The following DLG2 variants were observed in gnomAD, a reference collection of about 807,000 sequenced individuals.
The protein encoded by DLG2 is discs large MAGUK scaffold protein 2, also known as disks large homolog 2.
A neutral mutation model predicts 132.5 loss-of-function variants in DLG2; 45 were observed. That is an observed-to-expected ratio of 0.34 (90% CI 0.27 to 0.44). The LOEUF (loss-of-function observed/expected upper bound fraction) is 0.44, where lower values mean the gene tolerates loss of function less well. Ranked by LOEUF, DLG2 falls within the 20% of genes least tolerant of loss-of-function variation. The pLI is 1.00. For missense variants in DLG2, 1,045 were observed against 1,196.9 expected (o/e 0.87, Z 1.87); for synonymous variants, 424 against 419.6 (o/e 1.01, Z -0.13).
chr11:83,879,818 A>G (rs2154073097), intron 15 of DLG2, among the ~76,000 whole-genome samples: 1 of 152,324 alleles, frequency 6.6e-6, no homozygotes, highest in South Asian at 2.1e-4. Flanking sequence ...CTCAATAAAT[A>G]TCTGGTAATA....
chr11:84,339,495 T>A (rs1168767134), intron 7 of DLG2, among the ~76,000 whole-genome samples: 1 of 152,238 alleles, frequency 6.6e-6, no homozygotes, highest in African/African-American at 2.4e-5. Flanking sequence ...TCTTTATTTT[T>A]AAGAAAATCC....
chr11:85,008,233 T>A (rs1188148107), intron 6 of DLG2, among the ~76,000 whole-genome samples: 1 of 152,188 alleles, frequency 6.6e-6, no homozygotes, highest in Non-Finnish European at 1.5e-5. Flanking sequence ...TGCATCTGTG[T>A]AAACTACTCC....
At chr11:83,975,936 T>C (rs1312717229) in intron 12 of DLG2, among the ~76,000 whole-genome samples, 1 of 152,100 alleles carries the variant, frequency 6.6e-6, no homozygotes, top group East Asian at 1.9e-4. Context: ...TTATCCATCC[T>C]TAAAGGAGGT....
chr11:83,781,558 C>T (rs760957616), intron 18 of DLG2, among the ~76,000 whole-genome samples: 1 of 152,142 alleles, frequency 6.6e-6, no homozygotes, highest in African/African-American at 2.4e-5. Context: ...GAAATCAGGT[C>T]CCTTCACTAT....
intron 6 of DLG2, among the ~76,000 whole-genome samples, chr11:84,844,512 T>C (rs1825732585): frequency 6.6e-6 from 1 of 151,896 alleles, no homozygotes; most frequent in Admixed American, 6.6e-5. Flanking sequence ...TCTCTACCTC[T>C]TCCTCACTTT....
chr11:85,110,498 T>C (rs1041603322), intron 6 of DLG2, among the ~76,000 whole-genome samples: 7 of 152,066 alleles, frequency 4.6e-5, no homozygotes, highest in African/African-American at 1.7e-4. Context: ...CACTCTCCTC[T>C]GATCATCTGC....
intron 8 of DLG2, among the ~76,000 whole-genome samples, chr11:84,228,697 G>A (rs1394445409): frequency 2.0e-5 from 3 of 152,076 alleles, no homozygotes; most frequent in African/African-American, 7.3e-5. Flanking sequence ...ATAAACACAG[G>A]TAAGATAATA....
chr11:84,118,328 G>A (rs926655020), intron 9 of DLG2, among the ~76,000 whole-genome samples: 2 of 152,136 alleles, frequency 1.3e-5, no homozygotes, highest in Non-Finnish European at 1.5e-5. Context: ...TTTGCCCGAT[G>A]GAAGCCTGAG....
At chr11:84,506,116 C>T (rs1445228450) in intron 7 of DLG2, among the ~76,000 whole-genome samples, 1 of 112,184 alleles carries the variant, frequency 8.9e-6, no homozygotes, top group African/African-American at 5.4e-5. Context: ...AGCTCTGTCG[C>T]CCAGGCTGGA....
At chr11:83,610,209 C>A (rs147274951) in intron 19 of DLG2, among the ~76,000 whole-genome samples, 2 of 152,082 alleles carry the variant, frequency 1.3e-5, no homozygotes, top group African/African-American at 4.8e-5. Context: ...CAGTGGATGT[C>A]GGACAGGAAG....
intron 3 of DLG2, among the ~76,000 whole-genome samples, chr11:85,555,191 C>A (rs186654357): frequency 6.6e-6 from 1 of 151,906 alleles, no homozygotes; most frequent in African/African-American, 2.4e-5. Flanking sequence ...CTTAAACTGA[C>A]TAAAAGGAAA....
intron 6 of DLG2, among the ~76,000 whole-genome samples, chr11:85,053,632 CAAAA>C (rs574119257): frequency 3.3e-5 from 3 of 91,180 alleles, no homozygotes; most frequent in Non-Finnish European, 4.3e-5. Flanking sequence ...ACTAAAAATA[CAAAA>C]AAAAAAAAAA....
At chr11:84,412,208 A>T (rs1240492533) in intron 7 of DLG2, among the ~76,000 whole-genome samples, 1 of 151,572 alleles carries the variant, frequency 6.6e-6, no homozygotes, top group African/African-American at 2.4e-5. Context: ...TGCATGTTAT[A>T]GTTCATAAAA....
At chr11:84,355,556 C>A (rs1167209066) in intron 7 of DLG2, among the ~76,000 whole-genome samples, 1 of 152,032 alleles carries the variant, frequency 6.6e-6, no homozygotes. Context: ...CCCCAGCCTC[C>A]AGAACTGTGA....
chr11:83,839,403 C>A (rs984050861), intron 16 of DLG2, among the ~76,000 whole-genome samples: 1 of 152,140 alleles, frequency 6.6e-6, no homozygotes, highest in Non-Finnish European at 1.5e-5. Flanking sequence ...AATTTCTTAT[C>A]CTAATAACCT....
intron 3 of DLG2, among the ~76,000 whole-genome samples, chr11:85,349,322 A>G (rs1048527689): frequency 1.3e-4 from 20 of 152,282 alleles, no homozygotes; most frequent in African/African-American, 4.3e-4. Context: ...ACACCAAAAG[A>G]AACACTAAGT....
intron 9 of DLG2, among the ~76,000 whole-genome samples, chr11:84,129,313 G>T (rs1340552410): frequency 6.6e-6 from 1 of 152,046 alleles, no homozygotes; most frequent in East Asian, 1.9e-4. Context: ...GCAGCAGGAA[G>T]AAGTTTGGGT....
chr11:85,001,772 C>T (rs562226712), intron 6 of DLG2, among the ~76,000 whole-genome samples: 4 of 152,170 alleles, frequency 2.6e-5, no homozygotes, highest in South Asian at 2.1e-4. Context: ...TGGGTGATAA[C>T]GATGTGTCAA....
intron 3 of DLG2, among the ~76,000 whole-genome samples, chr11:85,578,321 A>G (rs1487325190): frequency 6.6e-6 from 1 of 152,218 alleles, no homozygotes; most frequent in East Asian, 1.9e-4. Flanking sequence ...CATTCTGGAC[A>G]TGGGAATGGG....
Sources: gnomAD v4.1 joint callset for allele counts (sites outside exome capture counted in the v4.1 genomes callset) on GRCh38, gnomAD v4.1.1 for gene constraint, MANE v1.5 for transcripts, NCBI Gene and HGNC (gene_info 2026-07-23, HGNC 2026-07-21) for gene names.